The following SLC2A12 variants were observed in gnomAD, a reference collection of about 807,000 sequenced individuals.
SLC2A12 encodes the protein solute carrier family 2, facilitated glucose transporter member 12.
In SLC2A12, 23 loss-of-function variants were observed where a neutral mutation model predicts 41.8. The ratio of observed to expected loss-of-function variants is 0.55; its 90% CI spans 0.40 to 0.78. The LOEUF is 0.78. SLC2A12 is among the 30% of genes least tolerant of loss of function. SLC2A12 has a pLI of 0.00. For missense variants in SLC2A12, 654 were observed against 745.6 expected (o/e 0.88, Z 1.43); for synonymous variants, 295 against 285.9 (o/e 1.03, Z -0.32).
chr6:134,018,804 G>A (rs778415908), intron 2 of SLC2A12, among the ~76,000 whole-genome samples: 3 of 151,520 alleles, frequency 2.0e-5, no homozygotes, highest in Admixed American at 1.3e-4. Context: ...AAAATAAGAT[G>A]TGGATCTCCA....
intron 3 of SLC2A12, among the ~76,000 whole-genome samples, chr6:134,005,365 A>T (rs1360033680): frequency 6.6e-6 from 1 of 152,170 alleles, no homozygotes; most frequent in Non-Finnish European, 1.5e-5. Flanking sequence ...TGACCTTATT[A>T]CAGAATCTCC....
chr6:134,012,437 G>A (rs1776899382), intron 2 of SLC2A12, among the ~76,000 whole-genome samples: 1 of 152,178 alleles, frequency 6.6e-6, no homozygotes, highest in South Asian at 2.1e-4. Context: ...GAGAACTATG[G>A]CAGTGGTCTT....
chr6:134,034,694 G>A (rs1002394752), intron 1 of SLC2A12, among the ~76,000 whole-genome samples: 5 of 152,210 alleles, frequency 3.3e-5, no homozygotes, highest in African/African-American at 7.2e-5. Context: ...CTGGCAGGAA[G>A]GTGGGGTTTG....
chr6:133,996,126 G>A (rs1776683751), intron 4 of SLC2A12, among the ~76,000 whole-genome samples: 1 of 152,176 alleles, frequency 6.6e-6, no homozygotes. Flanking sequence ...ATCAGTGCCT[G>A]GCACATAGTA....
intron 4 of SLC2A12, among the ~76,000 whole-genome samples, 175 bp from the exon 5 acceptor site, chr6:133,991,483 T>TG (rs1776623445): frequency 1.3e-5 from 2 of 152,218 alleles, no homozygotes; most frequent in South Asian, 4.1e-4. Flanking sequence ...CCACAGACTT[T>TG]GGTCAATCTC....
chr6:134,010,734 G>A (rs79123669), intron 2 of SLC2A12, among the ~76,000 whole-genome samples: 2 of 152,214 alleles, frequency 1.3e-5, no homozygotes, highest in African/African-American at 2.4e-5. Context: ...CACAGACAGC[G>A]TGCTTATGGC....
rs79221620 is a variant in SLC2A12 at position 134,042,270 on chromosome 6, A to G, written c.103+10108T>C. The stretch of plus-strand genomic sequence containing the variant: ...TAAATTATTTAATTAGGGAAATGAA[A>G]TGGGAAGAACATAAACTATATTGTG... On this transcript the variant is annotated intron_variant, in intron 1 of 4. Transcript: ENST00000275230. 3.2e-3 allele frequency among the ~76,000 whole-genome samples: 485 copies of G among 152,308 alleles called. 4 individuals carry two copies. The highest frequency in any genetic ancestry group is 0.011 in the African/African-American group (469 of 41,572).
intron 2 of SLC2A12, among the ~76,000 whole-genome samples, chr6:134,013,749 A>G (rs990093661): frequency 6.6e-6 from 1 of 152,212 alleles, no homozygotes; most frequent in Admixed American, 6.5e-5. Flanking sequence ...TTTTGTTGAA[A>G]GCAAATTATT....
At position 134,037,193 on chromosome 6, in the gene SLC2A12, C is replaced by T. The variant is rs374949463; in HGVS notation, c.104-7472G>A. Among the ~76,000 whole-genome samples, 16 of 131,776 alleles carry T rather than the reference C, an allele frequency of 1.2e-4. No individual in the cohort carries two copies. In the East Asian group the frequency reaches 1.7e-3, roughly 14 times the overall value. 86.5% of individuals were successfully genotyped at this position (131,776 alleles called of 152,430 possible). On this transcript the variant is annotated intron_variant, in intron 1 of 4. Transcript: ENST00000275230. Reference sequence around the variant, plus strand: ...TTTTTGAGAAGAAGTGTCACTCTGTCGCCCAGGCTGGAGTGCAGTGGCGCG... The same window carrying T: ...TTTTTGAGAAGAAGTGTCACTCTGTTGCCCAGGCTGGAGTGCAGTGGCGCG...
chr6:134,032,458 ATATATATTTT>A (rs1249662896), intron 1 of SLC2A12, among the ~76,000 whole-genome samples: 22 of 35,696 alleles, frequency 6.2e-4, no homozygotes, highest in African/African-American at 2.2e-3. Flanking sequence ...AAATATATAT[ATATATATTTT>A]TATATATATA....
intron 1 of SLC2A12, among the ~76,000 whole-genome samples, chr6:134,037,319 T>TC (rs1777316387): frequency 6.6e-6 from 1 of 151,296 alleles, no homozygotes; most frequent in Non-Finnish European, 1.5e-5. Flanking sequence ...TATCCCCTCC[T>TC]CCATAGGCTT....
chr6:134,007,423 G>T (rs370019416), intron 2 of SLC2A12, among the ~76,000 whole-genome samples: 40 of 152,228 alleles, frequency 2.6e-4, no homozygotes, highest in African/African-American at 8.9e-4. Context: ...AGCCAGGTGG[G>T]CATGAGGAAG....
chr6:134,008,879 G>A (rs1012310906), intron 2 of SLC2A12, among the ~76,000 whole-genome samples: 1 of 152,106 alleles, frequency 6.6e-6, no homozygotes, highest in Non-Finnish European at 1.5e-5. Context: ...GAGGAGGTGG[G>A]GTAAAGGGCA....
At chr6:134,051,304 G>A (rs1420720483) in intron 1 of SLC2A12, among the ~76,000 whole-genome samples, 1 of 152,014 alleles carries the variant, frequency 6.6e-6, no homozygotes, top group Non-Finnish European at 1.5e-5. Flanking sequence ...TCCTGAAGAG[G>A]GCCGCTTCAT....
intron 2 of SLC2A12, among the ~76,000 whole-genome samples, chr6:134,023,805 C>G (rs903462719): frequency 3.3e-5 from 5 of 152,106 alleles, no homozygotes; most frequent in Non-Finnish European, 7.4e-5. Flanking sequence ...GAATTTAGGG[C>G]CCTTGACCTT....
chr6:134,029,374 TG>T lies in SLC2A12; in HGVS notation c.450del (p.Thr151LeufsTer20). 6.2e-7 allele frequency: 1 copy of T among 1,614,058 alleles called. No homozygotes were observed. The highest frequency in any genetic ancestry group is 8.5e-7 in the Non-Finnish European group (1 of 1,180,018). ...GCAATCTCTGCGATGTAAACACAAGTGGCAATGGAAGAGAGGGAGATGGAGA... is the reference window on the plus strand; with the variant it reads ...GCAATCTCTGCGATGTAAACACAAGTGCAATGGAAGAGAGGGAGATGGAGA... ...IGVSISLSSI[A>X]TCVYIAEIAP... On this transcript the variant is annotated frameshift_variant, in exon 2 of 5. Transcript: ENST00000275230. LOFTEE classifies it high-confidence loss of function.
chr6:133,994,465 C>A (rs1776658912), intron 4 of SLC2A12, among the ~76,000 whole-genome samples: 1 of 152,158 alleles, frequency 6.6e-6, no homozygotes, highest in South Asian at 2.1e-4. Context: ...CGGTGGCTCA[C>A]GCCTGTAATC....
In SLC2A12 at chr6:133,989,636, A is replaced by G. The variant is rs1328280539; in HGVS notation, c.*1519T>C. The G allele has an allele frequency of 6.6e-6, 1 of 152,106 alleles. No homozygotes were observed. The highest frequency in any genetic ancestry group is 1.5e-5 in the Non-Finnish European group (1 of 68,014). 9.4% of individuals were successfully genotyped at this position (152,106 alleles called of 1,614,324 possible). ...CTTTCCTTTTAGCTTCCCCCTGCCA[A>G]TTTTTATACAGATAATACACTGCAG... On this transcript the variant is annotated 3_prime_UTR_variant, in exon 5 of 5. Transcript: ENST00000275230.
In SLC2A12 at chr6:134,052,486, C is replaced by A. The variant is rs763392311; in HGVS notation, c.-6G>T. ...GTGTTTTCAACAGGTACCATGGTCACGTAGAAGTTACAGCCGCTTCCCCGC... is the reference window on the plus strand; with the variant it reads ...GTGTTTTCAACAGGTACCATGGTCAAGTAGAAGTTACAGCCGCTTCCCCGC... On this transcript the variant is annotated 5_prime_UTR_variant, in exon 1 of 5. Transcript: ENST00000275230. 5 of 1,611,898 alleles carry A rather than the reference C, an allele frequency of 3.1e-6. No homozygotes were observed. Among genetic ancestry groups the A allele is most frequent in the Non-Finnish European group, 4.2e-6 (5 of 1,179,322 alleles).
Sources: allele counts gnomAD v4.1 joint callset (sites outside exome capture counted in the v4.1 genomes callset), GRCh38; gene constraint gnomAD v4.1.1; transcripts MANE v1.5; gene names NCBI Gene and HGNC (gene_info 2026-07-23, HGNC 2026-07-21).